ITGA9: variants seen among roughly 807,000 people sequenced by gnomAD.
The protein encoded by ITGA9 is integrin alpha-9.
A neutral mutation model predicts 127.8 loss-of-function variants in ITGA9; 56 were observed. That is an observed-to-expected ratio of 0.44 (90% CI 0.35 to 0.55). ITGA9 has a LOEUF of 0.55. ITGA9 is among the 20% of genes least tolerant of loss of function. The pLI, the probability that ITGA9 is intolerant of heterozygous loss-of-function variation, is 0.00. For synonymous variants in ITGA9, 508 were observed against 514.5 expected (o/e 0.99, Z 0.17); for missense variants, 1,196 against 1,347.1 (o/e 0.89, Z 1.76).
At position 37,629,645 on chromosome 3, in the gene ITGA9, T is replaced by C; in HGVS notation, c.1839+309T>C. 1.7e-6 allele frequency: 1 copy of C among 591,026 alleles called. No individual in the cohort carries two copies. The allele number at this position is 591,026 out of a possible 1,614,324, so 36.6% of individuals were successfully genotyped here. A position where few individuals can be genotyped will look rare whatever the true frequency, so the allele number is the denominator to read the frequency against. On this transcript the variant is annotated intron_variant, in intron 16 of 27. Coordinates refer to ENST00000264741, the MANE Select transcript of ITGA9 (RefSeq NM_002207.3). The surrounding 1 kb of genome is among the most constrained non-coding windows in gnomAD (Gnocchi z 4.5). ...GAACTTGCCTCTGTTCCTAGACTGTTTTCAGAGCTTAGATTGGTGGATAGT... is the reference window on the plus strand; with the variant it reads ...GAACTTGCCTCTGTTCCTAGACTGTCTTCAGAGCTTAGATTGGTGGATAGT...
chr3:37,610,961 G>T (rs1306009877), intron 15 of ITGA9, among the ~76,000 whole-genome samples: 2 of 152,162 alleles, frequency 1.3e-5, no homozygotes, highest in Non-Finnish European at 2.9e-5. Flanking sequence ...GGTTAAAAAT[G>T]AGGGAAGATC....
chr3:37,727,422 A>C (rs925088392), intron 18 of ITGA9, among the ~76,000 whole-genome samples: 7 of 152,258 alleles, frequency 4.6e-5, no homozygotes, highest in Non-Finnish European at 7.3e-5. Flanking sequence ...CTAAAATTTT[A>C]TAATAAAAAT....
At chr3:37,772,417 A>AT (rs1382813327) in intron 23 of ITGA9, among the ~76,000 whole-genome samples, 1 of 151,992 alleles carries the variant, frequency 6.6e-6, no homozygotes, top group Non-Finnish European at 1.5e-5. Flanking sequence ...CAAAAAAAAA[A>AT]CAAAAATGTG....
chr3:37,706,745 A>G (rs1701010047), intron 18 of ITGA9, among the ~76,000 whole-genome samples: 1 of 152,190 alleles, frequency 6.6e-6, no homozygotes, highest in Non-Finnish European at 1.5e-5. Context: ...AGTGACACAG[A>G]ACATCTAAGG....
At chr3:37,531,272 G>A (rs1189802382) in intron 13 of ITGA9, among the ~76,000 whole-genome samples, 1 of 152,094 alleles carries the variant, frequency 6.6e-6, no homozygotes, top group East Asian at 1.9e-4. Context: ...ATAGGCACAC[G>A]GTGCTCTCCC....
At chr3:37,530,368 A>G (rs143923689) in intron 13 of ITGA9, among the ~76,000 whole-genome samples, 6 of 152,298 alleles carry the variant, frequency 3.9e-5, no homozygotes, top group African/African-American at 1.4e-4. Flanking sequence ...AAGCACACAT[A>G]GATATATATT....
chr3:37,473,587 A>G, intron 3 of ITGA9, 127 bp downstream of exon 3: 1 of 611,650 alleles, frequency 1.6e-6, no homozygotes, highest in South Asian at 2.1e-5. Flanking sequence ...ACTACTGCTT[A>G]GACAAATGAC....
chr3:37,591,843 T>C (rs1388614402), intron 15 of ITGA9, among the ~76,000 whole-genome samples: 1 of 152,250 alleles, frequency 6.6e-6, no homozygotes, highest in Non-Finnish European at 1.5e-5. Flanking sequence ...CCTGAGCGCC[T>C]TGGGTTTCTC....
rs1043737198 is a variant in ITGA9, at chr3:37,513,787, T to G, written c.922T>G (p.Leu308Val). ...GATGGGCTCTTACTTCGGCTCCTCC[T>G]TGTGCGCAGTTGACCTGAATGGGGA... is the stretch of plus-strand genomic sequence containing the variant. ...KKMGSYFGSS[L>V]CAVDLNGDGL... Residue 308 changes from leucine (L) to valine (V), a missense_variant, in exon 9 of 28, where the codon TTG becomes GTG. Leu to Val is a conservative substitution (Grantham distance 32, BLOSUM62 1). Transcript: ENST00000264741. The G allele has an allele frequency of 1.9e-6, 3 of 1,614,116 alleles. No individual in the cohort carries two copies. The highest frequency in any genetic ancestry group is 2.5e-6 in the Non-Finnish European group (3 of 1,180,022).
intron 15 of ITGA9, among the ~76,000 whole-genome samples, chr3:37,610,716 A>G (rs1171429116): frequency 6.6e-6 from 1 of 152,242 alleles, no homozygotes; most frequent in East Asian, 1.9e-4. Context: ...AGATGCTGAA[A>G]GGAACAAAAG....
chr3:37,482,718 C>T (rs928749415), intron 4 of ITGA9, among the ~76,000 whole-genome samples: 1 of 152,146 alleles, frequency 6.6e-6, no homozygotes, highest in Non-Finnish European at 1.5e-5. Flanking sequence ...CTCTGGGAAA[C>T]GTCCCCCACA....
intron 22 of ITGA9, among the ~76,000 whole-genome samples, chr3:37,746,739 G>GTTGT (rs1337289531): frequency 1.3e-5 from 2 of 152,128 alleles, no homozygotes; most frequent in African/African-American, 4.8e-5. Flanking sequence ...ATGTCTTCAG[G>GTTGT]TTGTTTGGTG....
At chr3:37,456,265 CT>C (rs1559511133) in intron 1 of ITGA9, among the ~76,000 whole-genome samples, 1 of 152,120 alleles carries the variant, frequency 6.6e-6, no homozygotes, top group East Asian at 1.9e-4. Context: ...ACTCAATTTT[CT>C]TTTTTTCTAA....
chr3:37,490,975 C>CCACCT (rs548395527), intron 4 of ITGA9, among the ~76,000 whole-genome samples: 11 of 105,104 alleles, frequency 1.0e-4, no homozygotes, highest in Admixed American at 4.0e-4. Flanking sequence ...TTCCCCCCCG[C>CCACCT]TTTTTTTTTT....
intron 17 of ITGA9, among the ~76,000 whole-genome samples, chr3:37,659,507 G>A (rs1016369801): frequency 1.3e-5 from 2 of 151,644 alleles, no homozygotes; most frequent in East Asian, 3.9e-4. Context: ...TGAAGTTCTC[G>A]TGCTGTGTTT....
At chr3:37,644,957 G>C (rs1311784839) in intron 16 of ITGA9, among the ~76,000 whole-genome samples, 2 of 152,264 alleles carry the variant, frequency 1.3e-5, no homozygotes, top group East Asian at 1.9e-4. Flanking sequence ...GGGCTGAATG[G>C]AGCTGAAATT....
intron 12 of ITGA9, among the ~76,000 whole-genome samples, chr3:37,525,769 T>C (rs557512653): frequency 7.9e-4 from 120 of 152,344 alleles, no homozygotes; most frequent in African/African-American, 2.7e-3. Flanking sequence ...TGAAATGTGG[T>C]GTGTAGTTTA....
intron 15 of ITGA9, among the ~76,000 whole-genome samples, chr3:37,593,031 A>G (rs1274318384): frequency 1.3e-5 from 2 of 152,270 alleles, no homozygotes; most frequent in African/African-American, 2.4e-5. Flanking sequence ...AACCAGGGGG[A>G]AAAAAGCATA....
At chr3:37,796,592 CAGAT>C (rs978760264) in intron 26 of ITGA9, among the ~76,000 whole-genome samples, 16 of 151,880 alleles carry the variant, frequency 1.1e-4, no homozygotes, top group African/African-American at 3.4e-4. Context: ...GGCGGATGGA[CAGAT>C]GGATGGATGG....
Sources: gnomAD v4.1 joint callset for allele counts (sites outside exome capture counted in the v4.1 genomes callset) on GRCh38, gnomAD v4.1.1 for gene constraint, Gnocchi (gnomAD v3.1) non-coding constraint, MANE v1.5 for transcripts, NCBI Gene and HGNC (gene_info 2026-07-23, HGNC 2026-07-21) for gene names.